The following SLC44A5 variants were observed in gnomAD, a reference collection of about 807,000 sequenced individuals.
SLC44A5 encodes the protein solute carrier family 44 member 5.
A neutral mutation model predicts 101.8 loss-of-function variants in SLC44A5; 57 were observed. The observed-to-expected ratio is 0.56, with a 90% CI of 0.45 to 0.70. The LOEUF (loss-of-function observed/expected upper bound fraction) is 0.70. Among genes scored for constraint, SLC44A5 ranks in the 30% least tolerant of loss-of-function variants. The probability of loss-of-function intolerance (pLI) is 0.00; values close to 1 mark genes in which losing one functional copy is unlikely to be tolerated. For synonymous variants in SLC44A5, 281 were observed against 290.9 expected (o/e 0.97, Z 0.35); for missense variants, 737 against 853.1 (o/e 0.86, Z 1.70).
At chr1:75,569,648 C>T (rs1328843117) in intron 1 of SLC44A5, among the ~76,000 whole-genome samples, 3 of 151,708 alleles carry the variant, frequency 2.0e-5, no homozygotes, top group Non-Finnish European at 4.4e-5. Flanking sequence ...TTATTCTACT[C>T]TCCATGAATA....
At chr1:75,476,050 G>A (rs926417485) in intron 2 of SLC44A5, among the ~76,000 whole-genome samples, 1 of 152,094 alleles carries the variant, frequency 6.6e-6, no homozygotes, top group Admixed American at 6.5e-5. Flanking sequence ...GGGAATGGTG[G>A]TGCGCACCTG....
chr1:75,569,232 C>A (rs2102030633), intron 1 of SLC44A5, among the ~76,000 whole-genome samples: 1 of 142,898 alleles, frequency 7.0e-6, no homozygotes, highest in African/African-American at 2.6e-5. Context: ...ACACATTCAT[C>A]TCTACCTTTT....
chr1:75,509,789 T>C (rs1669465263), intron 2 of SLC44A5, among the ~76,000 whole-genome samples: 1 of 152,150 alleles, frequency 6.6e-6, no homozygotes, highest in African/African-American at 2.4e-5. Flanking sequence ...ATGACGCAGA[T>C]TATAGGGCTT....
chr1:75,540,769 T>C (rs1671314991), intron 2 of SLC44A5, among the ~76,000 whole-genome samples: 1 of 152,194 alleles, frequency 6.6e-6, no homozygotes, highest in African/African-American at 2.4e-5. Flanking sequence ...AAGGAAATGG[T>C]ATTCATTTTC....
intron 5 of SLC44A5, among the ~76,000 whole-genome samples, chr1:75,279,699 CA>C (rs902833929): frequency 1.2e-3 from 175 of 152,032 alleles, no homozygotes; most frequent in African/African-American, 3.7e-3. Context: ...ATAGTATCCC[CA>C]AACAGTTTCC....
At chr1:75,568,777 A>G (rs970645089) in intron 1 of SLC44A5, among the ~76,000 whole-genome samples, 4 of 152,128 alleles carry the variant, frequency 2.6e-5, no homozygotes, top group Admixed American at 6.5e-5. Context: ...AGAACATCCT[A>G]AAGCACAACG....
chr1:75,542,879 T>C (rs577680664), intron 1 of SLC44A5, among the ~76,000 whole-genome samples: 24 of 152,132 alleles, frequency 1.6e-4, no homozygotes, highest in Admixed American at 1.1e-3. Context: ...TTAAATAACT[T>C]TTCTATAAAG....
intron 1 of SLC44A5, among the ~76,000 whole-genome samples, chr1:75,580,328 C>G (rs534114743): frequency 5.3e-5 from 8 of 152,138 alleles, no homozygotes; most frequent in Non-Finnish European, 1.0e-4. Flanking sequence ...TGAATTACCA[C>G]GGGGTGGGTG....
chr1:75,551,425 C>G lies in SLC44A5; in HGVS notation c.-69-9909G>C, dbSNP rs140709904. ...TCACTTTCTTCTAATTTTATGCTTTCTTGGGATCCTCCTATCCTTAATTTT... is the reference window on the plus strand; with the variant it reads ...TCACTTTCTTCTAATTTTATGCTTTGTTGGGATCCTCCTATCCTTAATTTT... On this transcript the variant is annotated intron_variant, in intron 1 of 23. Transcript: ENST00000370859. Among the ~76,000 whole-genome samples the G allele has an allele frequency of 5.7e-3, 866 of 152,192 alleles. 14 individuals are homozygous for G. The highest frequency in any genetic ancestry group is 0.035 in the Admixed American group (531 of 15,268).
chr1:75,521,201 G>A (rs1222746619), intron 2 of SLC44A5, among the ~76,000 whole-genome samples: 2 of 152,184 alleles, frequency 1.3e-5, no homozygotes, highest in African/African-American at 2.4e-5. Context: ...CATTGAAGTT[G>A]AGGGAAGTCA....
chr1:75,446,683 C>T (rs916709647), intron 2 of SLC44A5, among the ~76,000 whole-genome samples: 6 of 152,044 alleles, frequency 3.9e-5, no homozygotes, highest in African/African-American at 1.4e-4. Context: ...CACATACACA[C>T]ACACAATGGT....
At chr1:75,666,695 A>G in the SLC44A5 span, among the ~76,000 whole-genome samples, 2,388 of 152,280 alleles carry the variant, frequency 0.016, 72 homozygotes, top group African/African-American at 0.053. Flanking sequence ...CCTCAATAAA[A>G]TACTGGAAAA....
chr1:75,578,308 A>T (rs1673487162), intron 1 of SLC44A5, among the ~76,000 whole-genome samples: 1 of 152,094 alleles, frequency 6.6e-6, no homozygotes, highest in Non-Finnish European at 1.5e-5. Flanking sequence ...CTCTGTGATT[A>T]ATAACTGAAA....
At chr1:75,218,290 G>A (rs1412038350) in intron 17 of SLC44A5, among the ~76,000 whole-genome samples, 200 bp downstream of exon 17, 1 of 152,016 alleles carries the variant, frequency 6.6e-6, no homozygotes, top group Non-Finnish European at 1.5e-5. Context: ...GTAACCTATA[G>A]CATTTAGAAG....
intron 2 of SLC44A5, among the ~76,000 whole-genome samples, chr1:75,439,588 A>T (rs1239959475): frequency 2.6e-5 from 4 of 152,076 alleles, no homozygotes; most frequent in Non-Finnish European, 5.9e-5. Context: ...AAATAACAAC[A>T]TTTTAGCAAA....
In SLC44A5 at chr1:75,492,207, C is replaced by A. The variant is rs575436191; in HGVS notation, c.13+49228G>T. ...GTTGGTATGCCAATCCAAATTTTTT[C>A]TCTTGAAATGCACATCATGTGTAAC... On this transcript the variant is annotated intron_variant, in intron 2 of 23. Coordinates refer to ENST00000370859, the MANE Select transcript of SLC44A5 (RefSeq NM_001130058.2). 3.9e-5 allele frequency among the ~76,000 whole-genome samples: 6 copies of A among 152,262 alleles called. No homozygotes were observed. In the South Asian group the frequency reaches 1.2e-3, roughly 32 times the overall value.
intron 2 of SLC44A5, among the ~76,000 whole-genome samples, chr1:75,442,329 G>A (rs777665207): frequency 5.3e-5 from 8 of 152,078 alleles, no homozygotes; most frequent in Non-Finnish European, 8.8e-5. Flanking sequence ...TACTGCAATC[G>A]GGCTTTGCGG....
At chr1:75,206,917 C>T (rs917399307) in intron 23 of SLC44A5, among the ~76,000 whole-genome samples, 8 of 152,100 alleles carry the variant, frequency 5.3e-5, no homozygotes, top group African/African-American at 1.7e-4. Flanking sequence ...AACACTGAAA[C>T]TTCCTAAATC....
At chr1:75,569,032 G>A (rs180851242) in intron 1 of SLC44A5, among the ~76,000 whole-genome samples, 2 of 152,206 alleles carry the variant, frequency 1.3e-5, no homozygotes, top group East Asian at 3.9e-4. Flanking sequence ...CTTCTCCTGA[G>A]TGAACCATTC....
Sources: allele counts gnomAD v4.1 joint callset (sites outside exome capture counted in the v4.1 genomes callset), GRCh38; gene constraint gnomAD v4.1.1; transcripts MANE v1.5; gene names NCBI Gene and HGNC (gene_info 2026-07-23, HGNC 2026-07-21).